Variants in NECTIN1 observed in about 807,000 individuals in gnomAD.
The protein encoded by NECTIN1 is nectin cell adhesion molecule 1, also known as nectin-1.
In NECTIN1, 23 loss-of-function variants were observed where a neutral mutation model predicts 48.0. That is an observed-to-expected ratio of 0.48 (90% CI 0.34 to 0.68). The LOEUF (loss-of-function observed/expected upper bound fraction) is 0.68, where lower values mean the gene tolerates loss of function less well. Among genes scored for constraint, NECTIN1 ranks in the 30% least tolerant of loss-of-function variants. The pLI is 0.01. For missense variants in NECTIN1, 591 were observed against 709.9 expected (o/e 0.83, Z 1.90); for synonymous variants, 270 against 288.9 (o/e 0.93, Z 0.66).
chr11:119,706,224 T>G (rs1487528316), intron 1 of NECTIN1, among the ~76,000 whole-genome samples: 1 of 152,100 alleles, frequency 6.6e-6, no homozygotes, highest in Non-Finnish European at 1.5e-5. Context: ...AAAGATATGA[T>G]CTCCTTTTAC....
At chr11:119,685,934 C>T (rs1324356887) in intron 1 of NECTIN1, among the ~76,000 whole-genome samples, 1 of 152,202 alleles carries the variant, frequency 6.6e-6, no homozygotes, top group African/African-American at 2.4e-5. Context: ...TGGACATGAC[C>T]TGTCCAGCTC....
In NECTIN1 at chr11:119,727,073, C is replaced by T. The variant is rs1865920682; in HGVS notation, c.79+1402G>A. Among the ~76,000 whole-genome samples the T allele has an allele frequency of 6.6e-6, 1 of 152,184 alleles. No individual in the cohort carries two copies. The highest frequency in any genetic ancestry group is 2.1e-4 in the South Asian group (1 of 4,830). ...CTTCACGGGTGGAGGCACCCCAGTA[C>T]TGGCTTTCACAAACTGCTTCCCAGA... On this transcript the variant is annotated intron_variant, in intron 1 of 5. Coordinates refer to ENST00000264025, the MANE Select transcript of NECTIN1 (RefSeq NM_002855.5). The surrounding 1 kb of genome is among the most constrained non-coding windows in gnomAD (Gnocchi z 4.1).
intron 7 of NECTIN1, chr11:119,638,585 C>T: frequency 2.4e-6 from 2 of 822,380 alleles, no homozygotes; most frequent in Non-Finnish European, 4.1e-6. Context: ...AGATGGATCC[C>T]TCTAGCATGG....
chr11:119,669,595 T>C (rs991063061), intron 5 of NECTIN1, among the ~76,000 whole-genome samples: 2 of 151,790 alleles, frequency 1.3e-5, no homozygotes, highest in Admixed American at 1.3e-4. Context: ...ACAAATCCTG[T>C]TGAAGTGTAA....
At chr11:119,687,901 G>T (rs1179039883) in intron 1 of NECTIN1, among the ~76,000 whole-genome samples, 1 of 152,162 alleles carries the variant, frequency 6.6e-6, no homozygotes, top group Admixed American at 6.5e-5. Context: ...GGGGGTGAGT[G>T]GAAGGCAGTG....
chr11:119,712,080 T>C (rs1865658507), intron 1 of NECTIN1, among the ~76,000 whole-genome samples: 1 of 152,206 alleles, frequency 6.6e-6, no homozygotes, highest in South Asian at 2.1e-4. Flanking sequence ...GGGAGGGCTG[T>C]GTCTTGGGAA....
downstream of NECTIN1, among the ~76,000 whole-genome samples, chr11:119,660,147 T>G (rs776546785): frequency 1.4e-4 from 22 of 152,140 alleles, no homozygotes; most frequent in Non-Finnish European, 2.5e-4. Flanking sequence ...CTCTATCATT[T>G]TACCCCCTCC....
rs1487168405 is a variant in NECTIN1 at position 119,673,374 on chromosome 11, G to C, written c.1003+1785C>G. 4.6e-5 allele frequency among the ~76,000 whole-genome samples: 7 copies of C among 152,200 alleles called. No individual in the cohort carries two copies. Among genetic ancestry groups the C allele is most frequent in the Non-Finnish European group, 1.0e-4 (7 of 68,016 alleles). ...TCCTGCCTAACGGGGCTGCCAGCAA[G>C]AGCCATGTTGTGTCCCTCTTCCAGC... On this transcript the variant is annotated intron_variant, in intron 5 of 5. Transcript: ENST00000264025. This position sits in a 1 kb window ranked among gnomAD's most constrained non-coding sequence, Gnocchi z 5.8.
downstream of NECTIN1, among the ~76,000 whole-genome samples, chr11:119,660,698 C>A (rs887695049): frequency 5.3e-5 from 8 of 152,142 alleles, no homozygotes; most frequent in African/African-American, 1.9e-4. Context: ...TGTGCACCCC[C>A]AGCCCTCTCA....
chr11:119,664,176 G>A lies in NECTIN1; in HGVS notation c.*571C>T. ...ACAAACAAGACTCCCTGGGAACTGG[G>A]GAGAAGCCGCACCCCTCCCCCTACC... On this transcript the variant is annotated 3_prime_UTR_variant, in exon 6 of 6. Coordinates refer to ENST00000264025, the MANE Select transcript of NECTIN1 (RefSeq NM_002855.5). 1.0e-6 allele frequency: 1 copy of A among 986,612 alleles called. No individual in the cohort carries two copies. The highest frequency in any genetic ancestry group is 1.2e-6 in the Non-Finnish European group (1 of 830,550). The allele number at this position is 986,612 out of a possible 1,614,324, so 61.1% of individuals were successfully genotyped here.
rs751871967 is a variant in NECTIN1, at chr11:119,727,680, G to C, written c.79+795C>G. On this transcript the variant is annotated intron_variant, in intron 1 of 5. Coordinates refer to ENST00000264025, the MANE Select transcript of NECTIN1 (RefSeq NM_002855.5). The surrounding 1 kb of genome is among the most constrained non-coding windows in gnomAD (Gnocchi z 4.1). The stretch of plus-strand genomic sequence containing the variant: ...GGGCCACCAGGGCCACCCCGGGGTC[G>C]GGCGCGAGGTTAACCCCTCGGCTGC... Among the ~76,000 whole-genome samples the C allele has an allele frequency of 6.6e-6, 1 of 152,152 alleles. No homozygotes were observed. Among genetic ancestry groups the C allele is most frequent in the Admixed American group, 6.5e-5 (1 of 15,286 alleles).
rs60998928 is a variant in NECTIN1 at position 119,692,411 on chromosome 11, A to ATGTGTGTGTGTGTGTGTGTGTGTG, written c.80-13647_80-13646insCACACACACACACACACACACACA. ...AGCCGAGAAGTGGCTTGTGGCAGTG[A>ATGTGTGTGTGTGTGTGTGTGTGTG]TGTGTGTGTGTGTGTGTGTGGGTGG... On this transcript the variant is annotated intron_variant, in intron 1 of 5. Coordinates refer to ENST00000264025, the MANE Select transcript of NECTIN1 (RefSeq NM_002855.5). Among the ~76,000 whole-genome samples, 5 of 142,518 alleles carry ATGTGTGTGTGTGTGTGTGTGTGTG rather than the reference A, an allele frequency of 3.5e-5. No individual in the cohort carries two copies. In the East Asian group the frequency reaches 1.1e-3, roughly 31 times the overall value. The allele number at this position is 142,518 out of a possible 152,430, so 93.5% of individuals were successfully genotyped here.
chr11:119,648,271 G>GTGGTGGTGATGC lies in NECTIN1; in HGVS notation c.1004-8260_1004-8259insGCATCACCACCA, dbSNP rs1864428509. Among the ~76,000 whole-genome samples the GTGGTGGTGATGC allele has an allele frequency of 1.0e-4, 2 of 19,628 alleles. 1 individual carries two copies. Among genetic ancestry groups the GTGGTGGTGATGC allele is most frequent in the African/African-American group, 3.5e-4 (2 of 5,746 alleles). The allele number at this position is 19,628 out of a possible 152,430, so 12.9% of individuals were successfully genotyped here. ...GGTGATAGAGGTGGTAATAGTGGTG[G>GTGGTGGTGATGC]TGGTGATGGTGGTGGTGATGGTGGT... is the stretch of plus-strand genomic sequence containing the variant. On this transcript the variant is annotated intron_variant, in intron 5 of 7. Transcript: ENST00000341398.
In NECTIN1 at chr11:119,678,606, A is replaced by G. The variant is rs1181093702; in HGVS notation, c.239T>C (p.Ile80Thr). 1.2e-6 allele frequency: 2 copies of G among 1,614,170 alleles called. No homozygotes were observed. Among genetic ancestry groups the G allele is most frequent in the Admixed American group, 1.7e-5 (1 of 60,020 alleles). Residue 80 changes from isoleucine (I) to threonine (T), a missense_variant, in exon 2 of 6, where the codon ATC becomes ACC. By Grantham distance (89) the Ile-to-Thr change is moderately conservative. Coordinates refer to ENST00000264025, the MANE Select transcript of NECTIN1 (RefSeq NM_002855.5). This position sits in a 1 kb window ranked among gnomAD's most constrained non-coding sequence, Gnocchi z 4.4. ...GGACACGCCCATGGATGGGTTGTAG[A>G]TGGCCACGTTCTGCTTGGAGCCATT... Reference protein sequence around the residue: ...STNGSKQNVAIYNPSMGVSVL... With the variant: ...STNGSKQNVATYNPSMGVSVL...
chr11:119,658,094 C>T (rs1470392363), downstream of NECTIN1, among the ~76,000 whole-genome samples: 4 of 152,108 alleles, frequency 2.6e-5, no homozygotes, highest in Non-Finnish European at 5.9e-5. Context: ...TGATGATGCC[C>T]TGCGGCTGGT....
chr11:119,638,330 G>A, intron 7 of NECTIN1: 1 of 1,537,402 alleles, frequency 6.5e-7, no homozygotes, highest in East Asian at 2.3e-5. Context: ...AGTTGGATTG[G>A]GACTCCTCAG....
intron 5 of NECTIN1, among the ~76,000 whole-genome samples, chr11:119,666,455 C>T (rs1385117181): frequency 7.9e-5 from 12 of 152,258 alleles, no homozygotes; most frequent in Non-Finnish European, 1.8e-4. Flanking sequence ...CCAACACTGC[C>T]CCTTCCCTTG....
At chr11:119,704,425 C>T (rs1005994064) in intron 1 of NECTIN1, among the ~76,000 whole-genome samples, 13 of 152,154 alleles carry the variant, frequency 8.5e-5, no homozygotes, top group African/African-American at 3.1e-4. Flanking sequence ...TCATGTTGGC[C>T]AGGCTGGTCT....
intron 5 of NECTIN1, among the ~76,000 whole-genome samples, chr11:119,646,587 G>A (rs890701726): frequency 2.0e-5 from 3 of 152,106 alleles, no homozygotes; most frequent in African/African-American, 7.2e-5. Flanking sequence ...CCACCCCTTT[G>A]AGTCTGTTGA....
Sources: gnomAD v4.1 joint callset for allele counts (sites outside exome capture counted in the v4.1 genomes callset) on GRCh38, gnomAD v4.1.1 for gene constraint, Gnocchi (gnomAD v3.1) non-coding constraint, MANE v1.5 for transcripts, NCBI Gene and HGNC (gene_info 2026-07-23, HGNC 2026-07-21) for gene names.